The following PHYHD1 variants were observed in gnomAD, a reference collection of about 807,000 sequenced individuals.
PHYHD1 encodes the protein phytanoyl-CoA dioxygenase domain containing 1.
In PHYHD1, 42 loss-of-function variants were observed where a neutral mutation model predicts 43.6. That is an observed-to-expected ratio of 0.96 (90% CI 0.75 to 1.25). PHYHD1 has a LOEUF of 1.25. Among genes scored for constraint, PHYHD1 ranks in the 50% most tolerant of loss-of-function variants. The pLI, the probability that PHYHD1 is intolerant of heterozygous loss-of-function variation, is 0.00. For missense variants in PHYHD1, 342 were observed against 370.8 expected (o/e 0.92, Z 0.64); for synonymous variants, 139 against 143.6 (o/e 0.97, Z 0.23).
At chr9:128,937,472 C>T (rs17485360) in intron 8 of PHYHD1, among the ~76,000 whole-genome samples, 3,028 of 152,260 alleles carry the variant, frequency 0.02, 109 homozygotes, top group African/African-American at 0.069. Flanking sequence ...AACTGCTGGC[C>T]TGTGTCCTAG....
At chr9:128,922,602 GC>G (rs1484196085) in intron 3 of PHYHD1, among the ~76,000 whole-genome samples, 5 of 152,136 alleles carry the variant, frequency 3.3e-5, no homozygotes, top group Non-Finnish European at 4.4e-5. Flanking sequence ...CGAGAATAAG[GC>G]CTCGGAACCC....
Position 128,941,994 on chromosome 9 carries a change from G to A in PHYHD1, c.*281G>A, listed in dbSNP as rs1841576616. 2.8e-5 allele frequency: 14 copies of A among 501,520 alleles called. 1 individual carries two copies. The South Asian group carries it at 3.9e-4, about 14-fold the overall frequency. 31.1% of individuals were successfully genotyped at this position (501,520 alleles called of 1,614,324 possible). On this transcript the variant is annotated 3_prime_UTR_variant, in exon 13 of 13. Coordinates refer to ENST00000372592, the MANE Select transcript of PHYHD1 (RefSeq NM_001100876.2). ...TCCTCTCCTCTCAGATGGAACTCTG[G>A]TTATTATGGTGTTAGTTATCGAATA...
chr9:128,926,201 G>A (rs1054715936), intron 3 of PHYHD1, among the ~76,000 whole-genome samples: 2 of 152,162 alleles, frequency 1.3e-5, no homozygotes, highest in African/African-American at 4.8e-5. Context: ...TGGAGGGGAA[G>A]GGCAGGGACA....
chr9:128,940,326 C>T lies in PHYHD1; in HGVS notation c.458-43C>T, dbSNP rs759463361. Reference sequence around the variant, plus strand: ...TAATGAGGCCAAGGTGAGGTGGAAACAGGCAAAAGGATGAGCTCCTCACCC... The same window carrying T: ...TAATGAGGCCAAGGTGAGGTGGAAATAGGCAAAAGGATGAGCTCCTCACCC... On this transcript the variant is annotated intron_variant, in intron 9 of 12. Coordinates refer to ENST00000372592, the MANE Select transcript of PHYHD1 (RefSeq NM_001100876.2). 5 of 1,608,896 alleles carry T rather than the reference C, an allele frequency of 3.1e-6. No homozygotes were observed. In the South Asian group the frequency reaches 3.3e-5, roughly 11 times the overall value.
chr9:128,933,682 C>T, intron 4 of PHYHD1, 100 bp from the exon 5 acceptor site: 1 of 1,290,060 alleles, frequency 7.8e-7, no homozygotes, highest in Non-Finnish European at 1.1e-6. Flanking sequence ...TGTCTGTAAC[C>T]CTGTGAGGGT....
intron 3 of PHYHD1, among the ~76,000 whole-genome samples, chr9:128,925,755 C>A (rs922723391): frequency 2.6e-5 from 4 of 152,102 alleles, no homozygotes; most frequent in African/African-American, 9.7e-5. Flanking sequence ...CCTCTTCCAC[C>A]CCTCCCCTCA....
chr9:128,922,830 A>G (rs1276577360), intron 3 of PHYHD1, among the ~76,000 whole-genome samples: 3 of 152,228 alleles, frequency 2.0e-5, no homozygotes, highest in East Asian at 1.9e-4. Context: ...GCTTTGTTTC[A>G]AAGTCTGTTA....
At chr9:128,936,752 G>GTTT (rs1841433559) in intron 8 of PHYHD1, 107 bp downstream of exon 8, 2 of 1,258,238 alleles carry the variant, frequency 1.6e-6, no homozygotes, top group Non-Finnish European at 2.2e-6. Context: ...TATTATGTTG[G>GTTT]TGGGAGAACA....
At chr9:128,934,176 T>C in intron 6 of PHYHD1, 118 bp downstream of exon 6, 1 of 1,111,332 alleles carries the variant, frequency 9.0e-7, no homozygotes, top group East Asian at 2.5e-5. Flanking sequence ...TCACTTGAAG[T>C]CAGGAGTTCA....
chr9:128,922,292 C>T lies in PHYHD1; in HGVS notation c.-32C>T. The T allele has an allele frequency of 1.3e-6, 2 of 1,550,710 alleles. No homozygotes were observed. Among genetic ancestry groups the T allele is most frequent in the Non-Finnish European group, 1.7e-6 (2 of 1,146,924 alleles). On this transcript the variant is annotated 5_prime_UTR_variant, in exon 3 of 13. Coordinates refer to ENST00000372592, the MANE Select transcript of PHYHD1 (RefSeq NM_001100876.2). ...TTCTCCTCCCCACCAGGAGGCCGCG[C>T]TTAGAAGCCGCCCAGTGCCCTGAGC...
chr9:128,922,228 C>T, intron 2 of PHYHD1, 55 bp from the exon 3 acceptor site: 6 of 1,477,932 alleles, frequency 4.1e-6, no homozygotes, highest in South Asian at 1.2e-5. Flanking sequence ...GGGTTTTCTC[C>T]GGGTAGGGAA....
Position 128,933,840 on chromosome 9 carries a change from G to C in PHYHD1, c.251G>C (p.Gly84Ala). The C allele has an allele frequency of 2.5e-6, 4 of 1,614,138 alleles. No homozygotes were observed. The highest frequency in any genetic ancestry group is 3.4e-6 in the Non-Finnish European group (4 of 1,179,986). Residue 84 changes from glycine to alanine, a missense_variant, in exon 5 of 13, where the codon GGC becomes GCC. Physicochemically the swap from Gly to Ala is moderately conservative, Grantham distance 60. Transcript: ENST00000372592. ...AAGATTCGATTCTTCTTTGAGAAAGGCGTTTTTGATGAGAAAGGTTTGGAG... is the reference window on the plus strand; with the variant it reads ...AAGATTCGATTCTTCTTTGAGAAAGCCGTTTTTGATGAGAAAGGTTTGGAG... ...GDKIRFFFEKGVFDEKGNFLV... is the reference protein window; with the variant it reads ...GDKIRFFFEKAVFDEKGNFLV...
chr9:128,935,558 CAAA>C (rs766510997), intron 6 of PHYHD1, among the ~76,000 whole-genome samples: 3 of 104,298 alleles, frequency 2.9e-5, no homozygotes, highest in Non-Finnish European at 3.8e-5. Flanking sequence ...AACTCTGTCT[CAAA>C]AAAAAAAAAA....
chr9:128,932,820 C>T (rs985699716), intron 4 of PHYHD1, among the ~76,000 whole-genome samples: 4 of 141,912 alleles, frequency 2.8e-5, no homozygotes, highest in East Asian at 4.2e-4. Flanking sequence ...ATTATTATTC[C>T]TTATTTATTT....
chr9:128,932,559 G>A (rs900591727), intron 4 of PHYHD1, among the ~76,000 whole-genome samples: 6 of 151,508 alleles, frequency 4.0e-5, no homozygotes, highest in Non-Finnish European at 5.9e-5. Flanking sequence ...TAGAAATGGG[G>A]TTTCTCCACG....
At chr9:128,930,942 C>CTT (rs1251019776) in intron 4 of PHYHD1, among the ~76,000 whole-genome samples, 1 of 142,462 alleles carries the variant, frequency 7.0e-6, no homozygotes, top group East Asian at 2.1e-4. Flanking sequence ...GAGCGAGACT[C>CTT]TGTCTCAAAA....
chr9:128,932,163 A>AT (rs1564540363), intron 4 of PHYHD1, among the ~76,000 whole-genome samples: 6 of 125,342 alleles, frequency 4.8e-5, no homozygotes, highest in African/African-American at 2.0e-4. Context: ...TATTATTATT[A>AT]TTATTGTTAT....
chr9:128,934,693 G>A (rs1841382482), intron 6 of PHYHD1, among the ~76,000 whole-genome samples: 1 of 151,456 alleles, frequency 6.6e-6, no homozygotes, highest in Non-Finnish European at 1.5e-5. Context: ...GCTTGAACCC[G>A]AGAGGCTGAG....
chr9:128,934,864 C>T (rs1169592331), intron 6 of PHYHD1, among the ~76,000 whole-genome samples: 1 of 151,978 alleles, frequency 6.6e-6, no homozygotes, highest in Non-Finnish European at 1.5e-5. Context: ...TGGTCTTGGG[C>T]CCCTCTGCTA....
Sources: gnomAD v4.1 joint callset for allele counts (sites outside exome capture counted in the v4.1 genomes callset) on GRCh38, gnomAD v4.1.1 for gene constraint, MANE v1.5 for transcripts, NCBI Gene and HGNC (gene_info 2026-07-23, HGNC 2026-07-21) for gene names.